The following PIAS2 variants were observed in gnomAD, a reference collection of about 807,000 sequenced individuals.
PIAS2 encodes protein inhibitor of activated STAT 2.
PIAS2 carries 19 observed loss-of-function variants against 69.7 expected under a neutral mutation model. That is an observed-to-expected ratio of 0.27 (90% CI 0.19 to 0.40). The LOEUF (loss-of-function observed/expected upper bound fraction) is 0.40. Among genes scored for constraint, PIAS2 ranks in the 10% least tolerant of loss-of-function variants. The pLI, the probability that PIAS2 is intolerant of heterozygous loss-of-function variation, is 1.00. For missense variants in PIAS2, 624 were observed against 757.0 expected, an observed-to-expected ratio of 0.82 and a Z score of 2.06; for synonymous variants, 261 against 263.2, an observed-to-expected ratio of 0.99 and a Z score of 0.08.
chr18:46,823,166 G>C (rs2042374222), intron 11 of PIAS2, among the ~76,000 whole-genome samples: 2 of 151,358 alleles, frequency 1.3e-5, no homozygotes, highest in African/African-American at 4.9e-5. Flanking sequence ...CCAGGAGGTA[G>C]AGGCTGCAGT....
chr18:46,919,347 G>C (rs568395964), upstream of PIAS2, among the ~76,000 whole-genome samples: 1 of 152,256 alleles, frequency 6.6e-6, no homozygotes, highest in African/African-American at 2.4e-5. Context: ...TTAGCCAGGC[G>C]TGGTGGCGCA....
At chr18:46,889,307 G>C (rs1444392115) in intron 2 of PIAS2, among the ~76,000 whole-genome samples, 3 of 152,170 alleles carry the variant, frequency 2.0e-5, no homozygotes, top group African/African-American at 7.2e-5. Context: ...GCAAACCACA[G>C]AGTGGGAGAA....
At chr18:46,843,207 A>T (rs1394781440) in intron 8 of PIAS2, among the ~76,000 whole-genome samples, 1 of 152,232 alleles carries the variant, frequency 6.6e-6, no homozygotes, top group African/African-American at 2.4e-5. Flanking sequence ...ACAGTTAAAT[A>T]AAAGAACATA....
chr18:46,841,194 A>G (rs765485608), intron 8 of PIAS2, among the ~76,000 whole-genome samples: 4 of 152,228 alleles, frequency 2.6e-5, no homozygotes, highest in Non-Finnish European at 4.4e-5. Context: ...AACTACTGTG[A>G]CATTACCTTC....
rs778467260 is a variant in PIAS2, at chr18:46,846,798, G to T, written c.770C>A (p.Pro257His). ...PPKNGIEQKR[P>H]GRPLNITSLV... ...AGATGTAATATTCAAGGGGCGTCCA[G>T]GGCGCTTCTGTTCAATCCCATTTTT... Residue 257 changes from proline to histidine, a missense_variant, in exon 6 of 14, where the codon CCT becomes CAT. This residue lies in a region of PIAS2 where 339 missense variants were observed against 408.8 expected (regional missense o/e 0.83). Transcript: ENST00000585916. 6.2e-6 allele frequency: 10 copies of T among 1,612,684 alleles called. No individual in the cohort carries two copies. In the East Asian group the frequency reaches 2.2e-4, roughly 36 times the overall value.
At chr18:46,905,457 A>G (rs866398145) in intron 1 of PIAS2, among the ~76,000 whole-genome samples, 22 of 152,134 alleles carry the variant, frequency 1.4e-4, no homozygotes, top group African/African-American at 5.3e-4. Flanking sequence ...ACAGAACTAC[A>G]AAGGAAATGT....
In PIAS2 at chr18:46,823,436, T is replaced by C. The variant is rs368385382; in HGVS notation, c.1509-2364A>G. Among the ~76,000 whole-genome samples the C allele has an allele frequency of 1.3e-4, 20 of 152,252 alleles. No individual in the cohort carries two copies. In the East Asian group the frequency reaches 2.3e-3, roughly 18 times the overall value. On this transcript the variant is annotated intron_variant, in intron 11 of 13. Coordinates refer to ENST00000585916, the MANE Select transcript of PIAS2 (RefSeq NM_004671.5). ...GAAATAGACTTACACGTAACAACAA[T>C]AACAGAGCTCCCTTTCCTTCCCTGA...
chr18:46,878,751 C>T (rs2051675431), intron 2 of PIAS2, among the ~76,000 whole-genome samples: 1 of 152,138 alleles, frequency 6.6e-6, no homozygotes, highest in African/African-American at 2.4e-5. Flanking sequence ...GCCTGTAAGC[C>T]CAGCTACTCA....
intron 11 of PIAS2, among the ~76,000 whole-genome samples, chr18:46,821,291 G>A (rs1429736286): frequency 6.6e-6 from 1 of 152,120 alleles, no homozygotes; most frequent in Non-Finnish European, 1.5e-5. Context: ...TGCGACATAA[G>A]AGCAAGTTGA....
At chr18:46,820,447 T>C (rs2042043699) in intron 12 of PIAS2, among the ~76,000 whole-genome samples, 2 of 152,090 alleles carry the variant, frequency 1.3e-5, no homozygotes, top group Non-Finnish European at 2.9e-5. Context: ...GAAAGTACTG[T>C]ACATATAAAA....
At chr18:46,815,290 T>C in intron 13 of PIAS2, 22 bp downstream of exon 13, 2 of 1,602,318 alleles carry the variant, frequency 1.2e-6, no homozygotes, top group Admixed American at 1.7e-5. Flanking sequence ...ACAAATTAGT[T>C]GCTTAAATTC....
intron 12 of PIAS2, chr18:46,818,462 G>T: frequency 6.4e-7 from 1 of 1,560,150 alleles, no homozygotes; most frequent in Admixed American, 1.8e-5. Context: ...AGATTCAGAA[G>T]ATTCATGTTT....
intron 9 of PIAS2, among the ~76,000 whole-genome samples, chr18:46,830,564 T>C (rs1407455272): frequency 6.7e-6 from 1 of 149,656 alleles, no homozygotes; most frequent in Admixed American, 6.6e-5. Context: ...TTTATGAAAC[T>C]AGAAAAAAAA....
intron 3 of PIAS2, among the ~76,000 whole-genome samples, chr18:46,858,572 C>T (rs1166661774): frequency 6.6e-6 from 1 of 152,130 alleles, no homozygotes; most frequent in Admixed American, 6.5e-5. Flanking sequence ...TGGCACATGC[C>T]TATAGTCCCA....
intron 2 of PIAS2, among the ~76,000 whole-genome samples, chr18:46,879,333 C>T (rs1394519944): frequency 1.3e-5 from 2 of 151,960 alleles, no homozygotes; most frequent in Non-Finnish European, 2.9e-5. Context: ...TAAAGAAATG[C>T]AAATCAAAAC....
intron 11 of PIAS2, among the ~76,000 whole-genome samples, chr18:46,821,804 T>C (rs776004454): frequency 3.3e-5 from 5 of 152,206 alleles, no homozygotes; most frequent in Non-Finnish European, 7.3e-5. Flanking sequence ...TACTTCACAA[T>C]TGGTATTATA....
In PIAS2 at chr18:46,807,368, TA is replaced by T. The variant is rs1568312627; in HGVS notation, c.*5064del. 12 of 27,620 alleles carry T rather than the reference TA, an allele frequency of 4.3e-4. No individual in the cohort carries two copies. The highest frequency in any genetic ancestry group is 1.3e-3 in the African/African-American group (5 of 3,966). 1.7% of individuals were successfully genotyped at this position (27,620 alleles called of 1,614,324 possible). ...ACATGTCAGATTTTATATATATATA[TA>T]TATATATATATATATTTTTTTTTTT... On this transcript the variant is annotated 3_prime_UTR_variant, in exon 14 of 14. Coordinates refer to ENST00000585916, the MANE Select transcript of PIAS2 (RefSeq NM_004671.5).
upstream of PIAS2, among the ~76,000 whole-genome samples, chr18:46,919,604 G>T (rs760716743): frequency 6.6e-6 from 1 of 152,088 alleles, no homozygotes; most frequent in Admixed American, 6.5e-5. Context: ...AGCTGCGATC[G>T]CACCATTGCA....
intron 2 of PIAS2, among the ~76,000 whole-genome samples, chr18:46,882,793 G>A (rs562451607): frequency 6.6e-6 from 1 of 152,162 alleles, no homozygotes; most frequent in South Asian, 2.1e-4. Context: ...AGATTGTCAC[G>A]GTGCAAAACT....
Sources: allele counts gnomAD v4.1 joint callset (sites outside exome capture counted in the v4.1 genomes callset), GRCh38; gene constraint gnomAD v4.1.1; regional missense constraint gnomAD v4.1.1; transcripts MANE v1.5; gene names NCBI Gene and HGNC (gene_info 2026-07-23, HGNC 2026-07-21).